Variants in SECISBP2L observed in about 807,000 individuals in gnomAD.
SECISBP2L encodes the protein selenocysteine insertion sequence-binding protein 2-like.
In SECISBP2L, 43 loss-of-function variants were observed where a neutral mutation model predicts 114.7. The ratio of observed to expected loss-of-function variants is 0.38; its 90% confidence interval spans 0.29 to 0.48. SECISBP2L has a LOEUF of 0.48. Ranked by LOEUF, SECISBP2L falls within the 20% of genes least tolerant of loss-of-function variation. SECISBP2L has a pLI of 0.98. For synonymous variants in SECISBP2L, 451 were observed against 439.7 expected (o/e 1.03, Z -0.32); for missense variants, 1,136 against 1,301.1 (o/e 0.87, Z 1.95).
At chr15:49,028,303 T>C in intron 5 of SECISBP2L, 135 bp from the exon 6 acceptor site, 1 of 979,408 alleles carries the variant, frequency 1.0e-6, no homozygotes, top group Non-Finnish European at 1.5e-6. Flanking sequence ...TAAATGAATA[T>C]TTTTATTAAT....
intron 7 of SECISBP2L, among the ~76,000 whole-genome samples, chr15:49,025,234 A>AT (rs986116757): frequency 2.6e-5 from 4 of 151,364 alleles, no homozygotes; most frequent in Non-Finnish European, 5.9e-5. Flanking sequence ...AGAGTGAATT[A>AT]TTTTTTTTTG....
chr15:48,998,196 T>A (rs1408774059), intron 16 of SECISBP2L, among the ~76,000 whole-genome samples: 2 of 152,190 alleles, frequency 1.3e-5, no homozygotes, highest in African/African-American at 4.8e-5. Flanking sequence ...GAATAATAAG[T>A]CTCTGAAGAT....
chr15:49,043,870 A>G (rs766982499), intron 1 of SECISBP2L, among the ~76,000 whole-genome samples: 2 of 152,018 alleles, frequency 1.3e-5, no homozygotes, highest in African/African-American at 2.4e-5. Flanking sequence ...ATCAGCACAC[A>G]TACAATTTAC....
chr15:49,000,020 T>C, intron 15 of SECISBP2L, 33 bp from the exon 16 acceptor site: 2 of 1,608,672 alleles, frequency 1.2e-6, no homozygotes, highest in Non-Finnish European at 1.7e-6. Context: ...ACGCCTTTAG[T>C]TGTTGCCTAC....
chr15:49,035,986 C>A (rs1902997902), intron 2 of SECISBP2L, among the ~76,000 whole-genome samples: 1 of 152,206 alleles, frequency 6.6e-6, no homozygotes, highest in South Asian at 2.1e-4. Context: ...ACTGTATCTA[C>A]CAACAATGGC....
At chr15:48,999,742 CT>C in intron 16 of SECISBP2L, 90 bp downstream of exon 16, 1 of 1,403,582 alleles carries the variant, frequency 7.1e-7, no homozygotes, top group Non-Finnish European at 9.6e-7. Context: ...CCTTCAAATG[CT>C]TAAACATAAC....
Position 49,019,397 on chromosome 15 carries a change from AAT to A in SECISBP2L, c.1170+19_1170+20del. 1 of 1,410,540 alleles carries A rather than the reference AAT, an allele frequency of 7.1e-7. No individual in the cohort carries two copies. The highest frequency in any genetic ancestry group is 9.2e-7 in the Non-Finnish European group (1 of 1,090,896). The allele number at this position is 1,410,540 out of a possible 1,614,324, so 87.4% of individuals were successfully genotyped here. On this transcript the variant is annotated intron_variant, in intron 8 of 17. Transcript: ENST00000559471. ...GGAACATTTCCTATAACAGCTTACA[AAT>A]AGAGTTTGAAAAAAATACCTCAAAA... is the stretch of plus-strand genomic sequence containing the variant.
chr15:49,042,460 C>T (rs1412840650), intron 1 of SECISBP2L: 1 of 152,258 alleles, frequency 6.6e-6, no homozygotes, highest in East Asian at 1.9e-4. Context: ...GGCCAGTTCA[C>T]CCTTCCTTAG....
At chr15:49,035,948 T>C (rs1382445293) in intron 2 of SECISBP2L, among the ~76,000 whole-genome samples, 1 of 152,198 alleles carries the variant, frequency 6.6e-6, no homozygotes, top group Non-Finnish European at 1.5e-5. Flanking sequence ...CCTCAAGATA[T>C]TTCTGCCTAA....
At chr15:48,996,268 G>C in intron 17 of SECISBP2L, 99 bp downstream of exon 17, 2 of 1,162,906 alleles carry the variant, frequency 1.7e-6, no homozygotes, top group Non-Finnish European at 2.4e-6. Context: ...AGCAACATTT[G>C]AATAATCAAG....
chr15:49,031,704 A>G (rs868685508), intron 4 of SECISBP2L, among the ~76,000 whole-genome samples: 1 of 152,210 alleles, frequency 6.6e-6, no homozygotes, highest in African/African-American at 2.4e-5. Context: ...AAAACTAAAA[A>G]TAAAAATACT....
chr15:48,999,587 G>GA (rs1452380973), intron 16 of SECISBP2L, among the ~76,000 whole-genome samples: 3 of 151,948 alleles, frequency 2.0e-5, no homozygotes, highest in African/African-American at 4.8e-5. Flanking sequence ...GAGCCTGGAA[G>GA]AAAAAAACCA....
At chr15:48,998,542 A>G (rs1308019767) in intron 16 of SECISBP2L, among the ~76,000 whole-genome samples, 1 of 152,260 alleles carries the variant, frequency 6.6e-6, no homozygotes, top group Non-Finnish European at 1.5e-5. Flanking sequence ...GTTTTACAAT[A>G]TAAAAGAAAG....
At chr15:49,017,057 A>C in intron 9 of SECISBP2L, 42 bp from the exon 10 acceptor site, 1 of 1,589,540 alleles carries the variant, frequency 6.3e-7, no homozygotes. Context: ...TGATCCCATA[A>C]AAGTCAATCA....
Position 49,037,705 on chromosome 15 carries a change from A to C in SECISBP2L, c.89T>G (p.Met30Arg), listed in dbSNP as rs748524056. 21 of 1,613,660 alleles carry C rather than the reference A, an allele frequency of 1.3e-5. No individual in the cohort carries two copies. In the Admixed American group the frequency reaches 3.3e-4, roughly 26 times the overall value. Residue 30 changes from methionine (M) to arginine (R), a missense_variant, in exon 2 of 18, where the codon ATG (methionine) becomes AGG (arginine). Physicochemically the swap from Met to Arg is moderately conservative, Grantham distance 91 (BLOSUM62 -1). Transcript: ENST00000559471. ...IPQKKSPDTF[M>R]IPMALPNDNG... The stretch of plus-strand genomic sequence containing the variant: ...ATCATTTGGGAGAGCCATAGGGATC[A>C]TAAATGTATCAGGACTCTTCTTCTG...
chr15:49,028,868 G>T (rs1327458737), intron 4 of SECISBP2L, among the ~76,000 whole-genome samples, 186 bp from the exon 5 acceptor site: 1 of 152,086 alleles, frequency 6.6e-6, no homozygotes, highest in Non-Finnish European at 1.5e-5. Context: ...AATGTTTTTT[G>T]TTTTTCTTGA....
At chr15:49,025,976 A>C (rs1486040656) in intron 7 of SECISBP2L, among the ~76,000 whole-genome samples, 2 of 152,226 alleles carry the variant, frequency 1.3e-5, no homozygotes, top group Non-Finnish European at 2.9e-5. Context: ...AAATCAACTT[A>C]AGTGTCCATC....
At chr15:49,014,279 CT>C (rs1401075301) in intron 11 of SECISBP2L, among the ~76,000 whole-genome samples, 1 of 152,176 alleles carries the variant, frequency 6.6e-6, no homozygotes. Context: ...TTTCTCAAAT[CT>C]ATGTTTCTTG....
intron 5 of SECISBP2L, 84 bp from the exon 6 acceptor site, chr15:49,028,252 A>T: frequency 8.3e-7 from 1 of 1,210,276 alleles, no homozygotes; most frequent in East Asian, 2.5e-5. Flanking sequence ...AATTTATCCT[A>T]GTGTGAAGCA....
Sources: gnomAD v4.1 joint callset for allele counts (sites outside exome capture counted in the v4.1 genomes callset) on GRCh38, gnomAD v4.1.1 for gene constraint, MANE v1.5 for transcripts, NCBI Gene and HGNC (gene_info 2026-07-23, HGNC 2026-07-21) for gene names.